SNX29: variants seen among roughly 807,000 people sequenced by gnomAD.
SNX29 encodes sorting nexin-29.
Under a neutral mutation model 102.1 loss-of-function variants are expected in SNX29, and 78 were observed. The ratio of observed to expected loss-of-function variants is 0.76; its 90% CI spans 0.64 to 0.92. The LOEUF is 0.92. Among genes scored for constraint, SNX29 ranks in the 40% least tolerant of loss-of-function variants. The pLI, the probability that SNX29 is intolerant of heterozygous loss-of-function variation, is 0.00. For missense variants in SNX29, 1,280 were observed against 1,061.7 expected (o/e 1.21, Z -2.86); for synonymous variants, 580 against 414.5 (o/e 1.40, Z -4.85).
chr16:12,562,772 G>A (rs760621710), intron 20 of SNX29, among the ~76,000 whole-genome samples: 27 of 152,268 alleles, frequency 1.8e-4, no homozygotes, highest in African/African-American at 3.6e-4. Context: ...AAGGCTTGGA[G>A]TCCTTTAGCC....
chr16:12,328,963 T>A (rs1350990376), intron 15 of SNX29, among the ~76,000 whole-genome samples: 1 of 151,962 alleles, frequency 6.6e-6, no homozygotes, highest in Non-Finnish European at 1.5e-5. Flanking sequence ...GGTGGGCTTT[T>A]CATCTACAGT....
At chr16:11,981,108 C>T (rs1233788870) in intron 1 of SNX29, among the ~76,000 whole-genome samples, 1 of 152,000 alleles carries the variant, frequency 6.6e-6, no homozygotes, top group Non-Finnish European at 1.5e-5. Context: ...GCTGGGACTA[C>T]AGGTGCACAC....
chr16:12,054,276 A>AT (rs1384352147), intron 8 of SNX29, among the ~76,000 whole-genome samples: 1 of 152,164 alleles, frequency 6.6e-6, no homozygotes, highest in Non-Finnish European at 1.5e-5. Flanking sequence ...ATTCTGTCAA[A>AT]TGTTTTTCAT....
intron 7 of SNX29, among the ~76,000 whole-genome samples, chr16:12,050,008 T>C (rs1402185062): frequency 6.6e-6 from 1 of 152,238 alleles, no homozygotes; most frequent in African/African-American, 2.4e-5. Flanking sequence ...TTATTCATGG[T>C]GAAAGTGTAG....
intron 14 of SNX29, among the ~76,000 whole-genome samples, chr16:12,238,178 C>T (rs1257034322): frequency 6.6e-6 from 1 of 151,610 alleles, no homozygotes; most frequent in African/African-American, 2.4e-5. Flanking sequence ...CTAAGATTTA[C>T]ATAAGATTTA....
At chr16:12,159,617 T>C (rs1012945437) in intron 13 of SNX29, among the ~76,000 whole-genome samples, 1 of 152,094 alleles carries the variant, frequency 6.6e-6, no homozygotes, top group Non-Finnish European at 1.5e-5. Flanking sequence ...CCTAACACTT[T>C]GGGGAGCCGA....
chr16:12,571,989 G>A lies in SNX29; in HGVS notation c.*3360G>A. The A allele has an allele frequency of 9.4e-7, 1 of 1,062,382 alleles. No homozygotes were observed. Among genetic ancestry groups the A allele is most frequent in the Non-Finnish European group, 1.1e-6 (1 of 877,392 alleles). 65.8% of individuals were successfully genotyped at this position (1,062,382 alleles called of 1,614,324 possible). A position where few individuals can be genotyped will look rare whatever the true frequency, so the allele number is the denominator to read the frequency against. On this transcript the variant is annotated 3_prime_UTR_variant, in exon 21 of 21. Transcript: ENST00000566228. Reference sequence around the variant, plus strand: ...ATGGTGGTAGCCATCTTCACATCCAGTCACCAGTTGCATCTAGGGAGCTGC... The same window carrying A: ...ATGGTGGTAGCCATCTTCACATCCAATCACCAGTTGCATCTAGGGAGCTGC...
intron 19 of SNX29, among the ~76,000 whole-genome samples, chr16:12,488,330 C>A (rs1449742399): frequency 6.6e-6 from 1 of 151,990 alleles, no homozygotes; most frequent in Non-Finnish European, 1.5e-5. Context: ...CTTCATACCT[C>A]CACCAGGAAG....
intron 15 of SNX29, among the ~76,000 whole-genome samples, chr16:12,355,893 A>AT (rs1489964728): frequency 6.7e-6 from 1 of 149,114 alleles, no homozygotes; most frequent in Non-Finnish European, 1.5e-5. Flanking sequence ...GGAAAAAAAA[A>AT]GCCCAAGGTC....
At chr16:12,394,841 G>A (rs1017325929) in intron 16 of SNX29, among the ~76,000 whole-genome samples, 2 of 152,204 alleles carry the variant, frequency 1.3e-5, no homozygotes, top group Non-Finnish European at 2.9e-5. Context: ...CCTTGCCCAT[G>A]AAATCGGAAG....
rs756636472 is a variant in SNX29 at position 12,048,512 on chromosome 16, G to T, written c.640G>T (p.Val214Leu). ...CTTGCTGAAGGAGTCCACGCAAGGAGTGAGCAGCCTGTTCAGGGAGATCAC... is the reference window on the plus strand; with the variant it reads ...CTTGCTGAAGGAGTCCACGCAAGGATTGAGCAGCCTGTTCAGGGAGATCAC... ...TSLLKESTQG[V>L]SSLFREITAS... Residue 214 changes from valine to leucine, a missense_variant, in exon 7 of 21, where the codon GTG becomes TTG. Transcript: ENST00000566228. 1.1e-5 allele frequency: 17 copies of T among 1,613,936 alleles called. No individual in the cohort carries two copies. The highest frequency in any genetic ancestry group is 1.4e-5 in the Non-Finnish European group (17 of 1,179,860).
In SNX29 at chr16:12,569,476, A is replaced by C. The variant is rs2141577577; in HGVS notation, c.*847A>C. 1 of 231,552 alleles carries C rather than the reference A, an allele frequency of 4.3e-6. No individual in the cohort carries two copies. The highest frequency in any genetic ancestry group is 1.8e-4 in the South Asian group (1 of 5,516). 14.3% of individuals were successfully genotyped at this position (231,552 alleles called of 1,614,324 possible). A position where few individuals can be genotyped will look rare whatever the true frequency, so the allele number is the denominator to read the frequency against. On this transcript the variant is annotated 3_prime_UTR_variant, in exon 21 of 21. Coordinates refer to ENST00000566228, the MANE Select transcript of SNX29 (RefSeq NM_032167.5). Reference sequence around the variant, plus strand: ...CAGTCATGAGAGACTTGGGTCAGGGAACCACTGCAGAAGGTTCCAGGGTTT... The same window carrying C: ...CAGTCATGAGAGACTTGGGTCAGGGCACCACTGCAGAAGGTTCCAGGGTTT...
intron 9 of SNX29, 52 bp from the exon 10 acceptor site, chr16:12,069,005 G>A (rs1404869375): frequency 1.9e-6 from 3 of 1,554,668 alleles, no homozygotes; most frequent in Non-Finnish European, 2.7e-6. Flanking sequence ...GTCTTATGGA[G>A]AACATGTAGT....
intron 20 of SNX29, among the ~76,000 whole-genome samples, chr16:12,547,047 G>A (rs1490472240): frequency 1.3e-5 from 2 of 152,184 alleles, no homozygotes; most frequent in Non-Finnish European, 2.9e-5. Flanking sequence ...TTTTCATGGG[G>A]GACACAGACA....
At chr16:12,394,502 T>C (rs758634688) in intron 16 of SNX29, among the ~76,000 whole-genome samples, 1 of 152,144 alleles carries the variant, frequency 6.6e-6, no homozygotes, top group Non-Finnish European at 1.5e-5. Context: ...TTAAAAAAAC[T>C]TGGCTATTTT....
chr16:12,266,088 C>A (rs1294297054), intron 14 of SNX29, among the ~76,000 whole-genome samples: 1 of 151,936 alleles, frequency 6.6e-6, no homozygotes, highest in Non-Finnish European at 1.5e-5. Flanking sequence ...TTGTGTTTTT[C>A]TTTTTTCTTT....
At chr16:12,537,416 TC>T (rs1378052138) in intron 20 of SNX29, among the ~76,000 whole-genome samples, 1 of 152,208 alleles carries the variant, frequency 6.6e-6, no homozygotes, top group Non-Finnish European at 1.5e-5. Context: ...GGGCTCAAAT[TC>T]CAGCTCAACT....
At chr16:12,561,337 G>A (rs188824190) in intron 20 of SNX29, among the ~76,000 whole-genome samples, 3 of 152,082 alleles carry the variant, frequency 2.0e-5, no homozygotes, top group Non-Finnish European at 2.9e-5. Flanking sequence ...TTTTCAAAGT[G>A]GTGAGACTCA....
intron 17 of SNX29, among the ~76,000 whole-genome samples, chr16:12,398,868 T>C (rs2083827100): frequency 6.6e-6 from 1 of 152,168 alleles, no homozygotes; most frequent in Admixed American, 6.5e-5. Flanking sequence ...GCATGTGCCG[T>C]CCAATTGACC....
Sources: allele counts gnomAD v4.1 joint callset (sites outside exome capture counted in the v4.1 genomes callset), GRCh38; gene constraint gnomAD v4.1.1; transcripts MANE v1.5; gene names NCBI Gene and HGNC (gene_info 2026-07-23, HGNC 2026-07-21).